TRAPPC8: variants seen among roughly 807,000 people sequenced by gnomAD.
TRAPPC8 encodes general sporulation gene 1 homolog.
TRAPPC8 carries 54 observed loss-of-function variants against 174.3 expected under a neutral mutation model. The ratio of observed to expected loss-of-function variants is 0.31; its 90% CI spans 0.25 to 0.39. TRAPPC8 has a LOEUF of 0.39. Among genes scored for constraint, TRAPPC8 ranks in the 10% least tolerant of loss-of-function variants. The pLI is 1.00. For synonymous variants in TRAPPC8, 630 were observed against 579.9 expected (o/e 1.09, Z -1.24); for missense variants, 1,531 against 1,699.1 (o/e 0.90, Z 1.74).
chr18:31,901,017 T>C lies in TRAPPC8; in HGVS notation c.1398A>G (p.Ala466=). ...CTGGTTGAAGAAAAGCAGACACTGC[T>C]GCCATTTCCTAAAATAAAAGACATA... ...MLYAAGALEM[A]AVSAFLQPGA... is the part of the protein sequence containing the mutation. Residue 466 remains alanine (A), a synonymous_variant, in exon 10 of 29, where the codon GCA becomes GCG. Coordinates refer to ENST00000283351, the MANE Select transcript of TRAPPC8 (RefSeq NM_014939.5). 1.3e-6 allele frequency: 2 copies of C among 1,586,168 alleles called. No individual in the cohort carries two copies. The highest frequency in any genetic ancestry group is 1.7e-6 in the Non-Finnish European group (2 of 1,172,450).
intron 27 of TRAPPC8, among the ~76,000 whole-genome samples, chr18:31,832,954 A>G (rs1320822429): frequency 5.3e-5 from 8 of 152,236 alleles, no homozygotes; most frequent in Admixed American, 3.3e-4. Flanking sequence ...CTCAGATAAT[A>G]TATTTTATAC....
intron 19 of TRAPPC8, among the ~76,000 whole-genome samples, chr18:31,863,090 AT>A (rs1351526141): frequency 6.6e-6 from 1 of 151,404 alleles, no homozygotes; most frequent in African/African-American, 2.4e-5. Flanking sequence ...AGGCAATCAT[AT>A]GGACACATGG....
At chr18:31,876,350 C>T (rs1490018532) in intron 12 of TRAPPC8, among the ~76,000 whole-genome samples, 2 of 151,500 alleles carry the variant, frequency 1.3e-5, no homozygotes, top group East Asian at 3.9e-4. Context: ...ATTAGCCGGG[C>T]ATGGTGGCGG....
chr18:31,860,208 C>T (rs1470004776), intron 19 of TRAPPC8, among the ~76,000 whole-genome samples: 1 of 152,094 alleles, frequency 6.6e-6, no homozygotes, highest in East Asian at 1.9e-4. Flanking sequence ...TAGGATTATT[C>T]ATTGTGGCTT....
intron 1 of TRAPPC8, among the ~76,000 whole-genome samples, chr18:31,942,132 T>C (rs912031995): frequency 2.0e-5 from 3 of 152,224 alleles, no homozygotes; most frequent in East Asian, 1.9e-4. Flanking sequence ...CAGACAGAGA[T>C]GACCCTCAAC....
chr18:31,873,976 A>G, intron 13 of TRAPPC8: 1 of 176,640 alleles, frequency 5.7e-6, no homozygotes, highest in Non-Finnish European at 1.2e-5. Flanking sequence ...TTTTCCATAA[A>G]ACAATGCTTT....
intron 23 of TRAPPC8, 35 bp downstream of exon 23, chr18:31,852,560 C>T: frequency 6.2e-7 from 1 of 1,613,514 alleles, no homozygotes; most frequent in Non-Finnish European, 8.5e-7. Flanking sequence ...TATAAAATGA[C>T]CATTTAGTAA....
In TRAPPC8 at chr18:31,855,815, T is replaced by TTA; in HGVS notation, c.3189-9_3189-8insTA. On this transcript the variant is annotated splice_polypyrimidine_tract_variant and intron_variant, in intron 20 of 28. Transcript: ENST00000283351. ...TGTCTTAATATTCTGTGCCTGAAGT[T>TTA]AAAAAAAAAAAAAAAAGCACATTTA... is the stretch of plus-strand genomic sequence containing the variant. 1 of 1,494,986 alleles carries TTA rather than the reference T, an allele frequency of 6.7e-7. No homozygotes were observed. The highest frequency in any genetic ancestry group is 1.5e-5 in the African/African-American group (1 of 64,542). 92.6% of individuals were successfully genotyped at this position (1,494,986 alleles called of 1,614,324 possible). A position where few individuals can be genotyped will look rare whatever the true frequency, so the allele number is the denominator to read the frequency against.
Position 31,857,912 on chromosome 18 carries a change from T to C in TRAPPC8, c.2816A>G (p.Asn939Ser), listed in dbSNP as rs1342549349. 12 of 1,614,188 alleles carry C rather than the reference T, an allele frequency of 7.4e-6. No homozygotes were observed. Among genetic ancestry groups the C allele is most frequent in the Non-Finnish European group, 9.3e-6 (11 of 1,180,018 alleles). ...EIRKAYVEFV[N>S]VSKCPLTGLK... Reference sequence around the variant, plus strand: ...TCCAGTAAGTGGACATTTGCTGACATTGACAAATTCTACATATGCTTTTCG... The same window carrying C: ...TCCAGTAAGTGGACATTTGCTGACACTGACAAATTCTACATATGCTTTTCG... Residue 939 changes from asparagine to serine, a missense_variant, in exon 20 of 29, where the codon AAT (asparagine) becomes AGT (serine). Coordinates refer to ENST00000283351, the MANE Select transcript of TRAPPC8 (RefSeq NM_014939.5).
At chr18:31,908,537 A>C (rs1247668782) in intron 7 of TRAPPC8, 119 bp from the exon 8 acceptor site, 2 of 899,224 alleles carry the variant, frequency 2.2e-6, no homozygotes, top group African/African-American at 3.4e-5. Flanking sequence ...AACTGATTTA[A>C]AGAAAACTGT....
chr18:31,881,466 AC>A (rs1265366131), intron 12 of TRAPPC8, among the ~76,000 whole-genome samples: 5 of 152,104 alleles, frequency 3.3e-5, no homozygotes, highest in Non-Finnish European at 7.4e-5. Flanking sequence ...CTAGACCCCT[AC>A]CTATCACCAT....
chr18:31,925,573 T>C (rs996235341), intron 2 of TRAPPC8, among the ~76,000 whole-genome samples: 1 of 151,810 alleles, frequency 6.6e-6, no homozygotes, highest in African/African-American at 2.4e-5. Flanking sequence ...GAGAGAACAA[T>C]AAGGGAGAAA....
At chr18:31,902,072 T>C (rs2145435331) in intron 9 of TRAPPC8, among the ~76,000 whole-genome samples, 1 of 152,296 alleles carries the variant, frequency 6.6e-6, no homozygotes, top group East Asian at 1.9e-4. Flanking sequence ...CCCAGCACTT[T>C]GGGAGGCTTA....
At chr18:31,882,370 C>T (rs757156755) in intron 12 of TRAPPC8, among the ~76,000 whole-genome samples, 72 of 152,052 alleles carry the variant, frequency 4.7e-4, no homozygotes, top group Non-Finnish European at 7.4e-4. Context: ...ATCAAATAGG[C>T]ATGCTCTCAC....
At chr18:31,873,387 T>A (rs773949473) in intron 14 of TRAPPC8, 43 bp downstream of exon 14, 185 of 1,477,628 alleles carry the variant, frequency 1.3e-4, no homozygotes, top group Admixed American at 4.6e-4. Context: ...AAGTTTTTTT[T>A]AAATTGTCAT....
chr18:31,878,771 G>A (rs2035283906), intron 12 of TRAPPC8, among the ~76,000 whole-genome samples: 1 of 151,960 alleles, frequency 6.6e-6, no homozygotes, highest in Non-Finnish European at 1.5e-5. Flanking sequence ...AAAGTCAAGG[G>A]GTGGAGAAAG....
chr18:31,880,089 AAAT>A (rs1488624710), intron 12 of TRAPPC8, among the ~76,000 whole-genome samples: 3 of 63,646 alleles, frequency 4.7e-5, no homozygotes, highest in African/African-American at 7.5e-5. Context: ...TTGAAAAAAA[AAAT>A]ATATATATAT....
chr18:31,899,743 G>C, intron 10 of TRAPPC8, among the ~76,000 whole-genome samples: 1 of 151,860 alleles, frequency 6.6e-6, no homozygotes. Context: ...TCAAAAGTTT[G>C]AGACCAGCCT....
intron 12 of TRAPPC8, among the ~76,000 whole-genome samples, chr18:31,886,332 G>T (rs2035711254): frequency 2.9e-5 from 3 of 102,180 alleles, no homozygotes; most frequent in Non-Finnish European, 5.5e-5. Flanking sequence ...ATTTTTAAGT[G>T]ATGTTTCTTG....
Sources: allele counts gnomAD v4.1 joint callset (sites outside exome capture counted in the v4.1 genomes callset), GRCh38; gene constraint gnomAD v4.1.1; transcripts MANE v1.5; gene names NCBI Gene and HGNC (gene_info 2026-07-23, HGNC 2026-07-21).